The following TCERG1L variants were observed in gnomAD, a reference collection of about 807,000 sequenced individuals.
TCERG1L encodes the protein transcription elongation regulator 1 like, also known as transcription elongation regulator 1-like protein.
TCERG1L carries 37 observed loss-of-function variants against 56.3 expected under a neutral mutation model. The ratio of observed to expected loss-of-function variants is 0.66; its 90% CI spans 0.51 to 0.87. The LOEUF (loss-of-function observed/expected upper bound fraction) is 0.87, where lower values mean the gene tolerates loss of function less well. Among genes scored for constraint, TCERG1L ranks in the 40% least tolerant of loss-of-function variants. TCERG1L has a pLI of 0.00. For synonymous variants in TCERG1L, 324 were observed against 326.3 expected (o/e 0.99, Z 0.08); for missense variants, 799 against 774.2 (o/e 1.03, Z -0.38).
At chr10:131,167,765 T>C (rs1186236178) in intron 4 of TCERG1L, among the ~76,000 whole-genome samples, 3 of 152,190 alleles carry the variant, frequency 2.0e-5, no homozygotes, top group Non-Finnish European at 4.4e-5. Context: ...CTTGGAAAGG[T>C]GCTTGTTTCA....
chr10:131,103,552 G>A lies in TCERG1L; in HGVS notation c.1485+713C>T, dbSNP rs1484122645. ...CAAAAAGTACAAAAATTAGCCAGGC[G>A]TGGTGGCTGGAGCCTGTAGTCTCAG... On this transcript the variant is annotated intron_variant, in intron 10 of 11. Coordinates refer to ENST00000368642, the MANE Select transcript of TCERG1L (RefSeq NM_174937.4). This position sits in a 1 kb window ranked among gnomAD's most constrained non-coding sequence, Gnocchi z 4.3. 2.2e-4 allele frequency among the ~76,000 whole-genome samples: 33 copies of A among 152,164 alleles called. No homozygotes were observed. Among genetic ancestry groups the A allele is most frequent in the East Asian group, 1.9e-4 (1 of 5,174 alleles).
At chr10:131,172,348 GGAGA>G (rs1846101354) in intron 4 of TCERG1L, among the ~76,000 whole-genome samples, 1 of 152,212 alleles carries the variant, frequency 6.6e-6, no homozygotes, top group Admixed American at 6.5e-5. Context: ...CAAGGAACAG[GGAGA>G]GAGAATTTCA....
At chr10:131,126,907 A>C (rs1037833676) in intron 8 of TCERG1L, among the ~76,000 whole-genome samples, 29 of 152,216 alleles carry the variant, frequency 1.9e-4, no homozygotes, top group African/African-American at 7.0e-4. Flanking sequence ...ACAAGAGCTG[A>C]GGGAGACGGT....
intron 3 of TCERG1L, among the ~76,000 whole-genome samples, chr10:131,275,082 G>A (rs908168204): frequency 3.3e-5 from 5 of 152,156 alleles, no homozygotes; most frequent in Admixed American, 2.0e-4. Flanking sequence ...AGCATTGAAG[G>A]GATGCAGCCA....
intron 3 of TCERG1L, among the ~76,000 whole-genome samples, chr10:131,284,125 CAAA>C (rs10534180): frequency 0.059 from 6,833 of 116,368 alleles, 256 homozygotes; most frequent in African/African-American, 0.12. Flanking sequence ...GACCACATCT[CAAA>C]AAAAAAAAAA....
At chr10:131,241,436 T>TGACATGCTGCGTGACATGC (rs756077733) in intron 4 of TCERG1L, among the ~76,000 whole-genome samples, 113 of 152,130 alleles carry the variant, frequency 7.4e-4, no homozygotes, top group Admixed American at 1.2e-3. Flanking sequence ...GAAGCACCTG[T>TGACATGCTGCGTGACATGC]GACATGCTGC....
At chr10:131,176,509 CAG>C (rs1203254359) in intron 4 of TCERG1L, among the ~76,000 whole-genome samples, 2 of 150,940 alleles carry the variant, frequency 1.3e-5, no homozygotes, top group African/African-American at 2.4e-5. Context: ...CATGCACACA[CAG>C]AGACACATGC....
chr10:131,225,070 T>C (rs1370393468), intron 4 of TCERG1L, among the ~76,000 whole-genome samples: 2 of 152,100 alleles, frequency 1.3e-5, no homozygotes, highest in Admixed American at 6.5e-5. Context: ...ATTGTCTCGT[T>C]TTGCAGATGG....
In TCERG1L at chr10:131,248,782, C is replaced by CCCAGTG. The variant is rs538906309; in HGVS notation, c.856+11471_856+11476dup. 5.3e-4 allele frequency among the ~76,000 whole-genome samples: 80 copies of CCCAGTG among 152,326 alleles called. No homozygotes were observed. The South Asian group carries it at 6.0e-3, about 11-fold the overall frequency. On this transcript the variant is annotated intron_variant, in intron 4 of 11. Coordinates refer to ENST00000368642, the MANE Select transcript of TCERG1L (RefSeq NM_174937.4). Reference sequence around the variant, plus strand: ...GCCCAAGTCTCCGGCAGAGCTGAGCCCCAGTGCCATGGGGTGTCATGCCCG... The same window carrying CCCAGTG: ...GCCCAAGTCTCCGGCAGAGCTGAGCCCCAGTGCCAGTGCCATGGGGTGTCATGCCCG...
intron 4 of TCERG1L, among the ~76,000 whole-genome samples, chr10:131,258,480 A>G (rs2944506): frequency 0.55 from 83,063 of 151,962 alleles, 22,917 homozygotes; most frequent in East Asian, 0.69. Context: ...ACACCCACCC[A>G]TGAAGCCTGG....
intron 3 of TCERG1L, among the ~76,000 whole-genome samples, chr10:131,266,615 C>T (rs1309940663): frequency 6.6e-6 from 1 of 152,148 alleles, no homozygotes; most frequent in East Asian, 1.9e-4. Context: ...AGTGTTAGAA[C>T]AGCTCAGAGG....
rs144086385 is a variant in TCERG1L at position 131,116,241 on chromosome 10, T to C, written c.1395+558A>G. On this transcript the variant is annotated intron_variant, in intron 9 of 11. Transcript: ENST00000368642. Reference sequence around the variant, plus strand: ...TTGGAAATCAGCTACACTGAAGATATCTTAATTTTATTTAAAAAACAGTCA... The same window carrying C: ...TTGGAAATCAGCTACACTGAAGATACCTTAATTTTATTTAAAAAACAGTCA... 4.3e-4 allele frequency among the ~76,000 whole-genome samples: 65 copies of C among 152,216 alleles called. 1 individual carries two copies. The East Asian group carries it at 0.012, about 28-fold the overall frequency.
At chr10:131,257,385 T>G (rs1270856613) in intron 4 of TCERG1L, among the ~76,000 whole-genome samples, 1 of 152,242 alleles carries the variant, frequency 6.6e-6, no homozygotes, top group Non-Finnish European at 1.5e-5. Context: ...CTGGACCTGG[T>G]CACGGGCTCT....
At chr10:131,119,794 G>A (rs1417632720) in intron 8 of TCERG1L, among the ~76,000 whole-genome samples, 1 of 152,206 alleles carries the variant, frequency 6.6e-6, no homozygotes, top group Non-Finnish European at 1.5e-5. Context: ...GCTGGTAGAG[G>A]CAGCGTCCCC....
chr10:131,204,555 C>T (rs1845495234), intron 4 of TCERG1L, among the ~76,000 whole-genome samples: 1 of 152,236 alleles, frequency 6.6e-6, no homozygotes, highest in South Asian at 2.1e-4. Flanking sequence ...GTCCTGGCTT[C>T]CCAGCAGCGG....
intron 5 of TCERG1L, among the ~76,000 whole-genome samples, chr10:131,165,441 G>C (rs994995254): frequency 1.3e-5 from 2 of 152,140 alleles, no homozygotes; most frequent in African/African-American, 2.4e-5. Context: ...CTTTAAGTTT[G>C]TAAGTTTACG....
chr10:131,284,708 A>G (rs944695907), intron 3 of TCERG1L, among the ~76,000 whole-genome samples: 1 of 152,146 alleles, frequency 6.6e-6, no homozygotes, highest in Non-Finnish European at 1.5e-5. Context: ...ATTAAAAAAG[A>G]TAACTATTAT....
At chr10:131,268,630 T>C (rs1231633550) in intron 3 of TCERG1L, among the ~76,000 whole-genome samples, 1 of 152,168 alleles carries the variant, frequency 6.6e-6, no homozygotes, top group Non-Finnish European at 1.5e-5. Flanking sequence ...TGTAGCCACC[T>C]TCATCGACGC....
chr10:131,256,995 A>AAGAT (rs1846176640), intron 4 of TCERG1L, among the ~76,000 whole-genome samples: 2 of 64,540 alleles, frequency 3.1e-5, no homozygotes, highest in Non-Finnish European at 3.3e-5. Context: ...GAAGGAAGGA[A>AAGAT]AGAAAGAAAG....
Sources: gnomAD v4.1 joint callset for allele counts (sites outside exome capture counted in the v4.1 genomes callset) on GRCh38, gnomAD v4.1.1 for gene constraint, Gnocchi (gnomAD v3.1) non-coding constraint, MANE v1.5 for transcripts, NCBI Gene and HGNC (gene_info 2026-07-23, HGNC 2026-07-21) for gene names.